The following FTO variants were observed in gnomAD, a reference collection of about 807,000 sequenced individuals.
FTO encodes FTO alpha-ketoglutarate dependent dioxygenase.
A neutral mutation model predicts 63.9 loss-of-function variants in FTO; 47 were observed. That is an observed-to-expected ratio of 0.74 (90% CI 0.58 to 0.94). The LOEUF (loss-of-function observed/expected upper bound fraction) is 0.94. FTO is among the 40% of genes least tolerant of loss of function. The pLI is 0.00. For missense variants in FTO, 562 were observed against 618.1 expected, an observed-to-expected ratio of 0.91 and a Z score of 0.96; for synonymous variants, 207 against 224.4, an observed-to-expected ratio of 0.92 and a Z score of 0.69.
chr16:53,920,769 T>C (rs1173143854), intron 7 of FTO, among the ~76,000 whole-genome samples: 1 of 152,142 alleles, frequency 6.6e-6, no homozygotes, highest in Non-Finnish European at 1.5e-5. Flanking sequence ...ATAATGTTGA[T>C]GGAATGGTTG....
chr16:53,754,637 C>G (rs1288667894), intron 1 of FTO, among the ~76,000 whole-genome samples: 1 of 142,478 alleles, frequency 7.0e-6, no homozygotes, highest in African/African-American at 2.6e-5. Context: ...GACTTCGTCT[C>G]AAAAAAAAAA....
chr16:54,062,530 G>T (rs1362486569), intron 8 of FTO, among the ~76,000 whole-genome samples: 1 of 152,134 alleles, frequency 6.6e-6, no homozygotes, highest in Non-Finnish European at 1.5e-5. Flanking sequence ...GTTAACTCTA[G>T]CCCCGCCCCC....
At chr16:53,785,176 C>T (rs1188077012) in intron 1 of FTO, among the ~76,000 whole-genome samples, 1 of 152,042 alleles carries the variant, frequency 6.6e-6, no homozygotes, top group Non-Finnish European at 1.5e-5. Context: ...ACAGTAAAAC[C>T]TAAGGCTCAC....
At chr16:53,987,582 C>CAAAAA (rs770347637) in intron 8 of FTO, among the ~76,000 whole-genome samples, 2 of 123,042 alleles carry the variant, frequency 1.6e-5, no homozygotes, top group Admixed American at 8.4e-5. Flanking sequence ...GACTCTGTCT[C>CAAAAA]AAAAAAAAAA....
At position 54,007,847 on chromosome 16, in the gene FTO, T is replaced by G. The variant is rs190929529; in HGVS notation, c.1364+73738T>G. On this transcript the variant is annotated intron_variant, in intron 8 of 8. Transcript: ENST00000471389. ...AGGTGGTTGCTTTATTTTAAATTACTCTACAAGCCAAATAAAACACTGTCT... is the reference window on the plus strand; with the variant it reads ...AGGTGGTTGCTTTATTTTAAATTACGCTACAAGCCAAATAAAACACTGTCT... Among the ~76,000 whole-genome samples, 382 of 152,380 alleles carry G rather than the reference T, an allele frequency of 2.5e-3. 3 individuals carry two copies. The highest frequency in any genetic ancestry group is 8.5e-3 in the African/African-American group (355 of 41,592).
At chr16:53,714,480 G>A (rs541179726) in intron 1 of FTO, among the ~76,000 whole-genome samples, 13 of 152,180 alleles carry the variant, frequency 8.5e-5, no homozygotes, top group African/African-American at 3.1e-4. Context: ...AAACAAAGAT[G>A]GAAAATTCTG....
chr16:53,849,715 A>G (rs2079731116), intron 4 of FTO, among the ~76,000 whole-genome samples: 2 of 152,212 alleles, frequency 1.3e-5, no homozygotes, highest in South Asian at 4.1e-4. Flanking sequence ...TGTGGTCTAA[A>G]CTGTAAATTG....
At chr16:53,726,927 G>A (rs1248081540) in intron 1 of FTO, among the ~76,000 whole-genome samples, 1 of 152,154 alleles carries the variant, frequency 6.6e-6, no homozygotes, top group African/African-American at 2.4e-5. Flanking sequence ...TTCCATCAAG[G>A]TTTGAAACCT....
chr16:53,747,117 C>T (rs1217418951), intron 1 of FTO, among the ~76,000 whole-genome samples: 1 of 152,160 alleles, frequency 6.6e-6, no homozygotes, highest in Non-Finnish European at 1.5e-5. Context: ...TTGATGAACA[C>T]TTTGGTTGAT....
At chr16:53,783,604 T>TATCAAAAA (rs397716766) in intron 1 of FTO, among the ~76,000 whole-genome samples, 905 of 67,960 alleles carry the variant, frequency 0.013, 115 homozygotes, top group African/African-American at 0.029. Flanking sequence ...CAAGACTCCA[T>TATCAAAAA]AAAAAAAAAA....
intron 3 of FTO, among the ~76,000 whole-genome samples, chr16:53,837,809 G>A (rs1351745333): frequency 6.6e-6 from 1 of 152,204 alleles, no homozygotes; most frequent in African/African-American, 2.4e-5. Flanking sequence ...GCACGAAGAA[G>A]CTGGTACCTT....
intron 8 of FTO, among the ~76,000 whole-genome samples, chr16:54,024,199 A>G (rs1201613284): frequency 3.9e-5 from 6 of 152,100 alleles, no homozygotes; most frequent in African/African-American, 1.4e-4. Flanking sequence ...TACATTACCA[A>G]AAAAATGTCT....
chr16:53,911,218 C>T (rs2081690718), intron 7 of FTO: 1 of 600,048 alleles, frequency 1.7e-6, no homozygotes, highest in African/African-American at 1.8e-5. Context: ...TCCACAGAGA[C>T]AGTGGCTGAG....
intron 7 of FTO, among the ~76,000 whole-genome samples, chr16:53,905,826 G>A (rs1326042853): frequency 6.6e-6 from 1 of 152,166 alleles, no homozygotes; most frequent in Non-Finnish European, 1.5e-5. Flanking sequence ...AAGTGAAGAA[G>A]CAAATGTTTC....
chr16:53,989,915 C>T (rs1465700491), intron 8 of FTO, among the ~76,000 whole-genome samples: 5 of 151,952 alleles, frequency 3.3e-5, no homozygotes, highest in African/African-American at 4.8e-5. Context: ...TCCACTTCCA[C>T]TTAATGAATA....
chr16:53,927,979 T>C (rs964098402), intron 7 of FTO, among the ~76,000 whole-genome samples: 1 of 152,158 alleles, frequency 6.6e-6, no homozygotes, highest in Non-Finnish European at 1.5e-5. Context: ...ACAAGGTAGA[T>C]TGGCAGAGTT....
intron 8 of FTO, among the ~76,000 whole-genome samples, chr16:54,006,534 T>C (rs2084210485): frequency 6.6e-6 from 1 of 152,198 alleles, no homozygotes; most frequent in Non-Finnish European, 1.5e-5. Flanking sequence ...GGAAATACAT[T>C]TCCTTTGCTG....
chr16:53,827,277 G>C (rs1950414109), intron 3 of FTO, among the ~76,000 whole-genome samples: 1 of 152,070 alleles, frequency 6.6e-6, no homozygotes, highest in Non-Finnish European at 1.5e-5. Context: ...TTTTTCCTTA[G>C]AATAGAATTA....
chr16:53,967,838 A>T (rs962386523), intron 8 of FTO, among the ~76,000 whole-genome samples: 3 of 152,224 alleles, frequency 2.0e-5, no homozygotes, highest in African/African-American at 7.2e-5. Context: ...AATTTAGAGA[A>T]GGGCAAATCC....
Sources: allele counts gnomAD v4.1 joint callset (sites outside exome capture counted in the v4.1 genomes callset), GRCh38; gene constraint gnomAD v4.1.1; transcripts MANE v1.5; gene names NCBI Gene and HGNC (gene_info 2026-07-23, HGNC 2026-07-21).